Variants in PCCA observed in about 807,000 individuals in gnomAD.
PCCA encodes propionyl-CoA carboxylase alpha chain, mitochondrial.
PCCA carries 74 observed loss-of-function variants against 101.3 expected under a neutral mutation model. The ratio of observed to expected loss-of-function variants is 0.73; its 90% CI spans 0.61 to 0.89. PCCA has a LOEUF of 0.89. Among genes scored for constraint, PCCA ranks in the 40% least tolerant of loss-of-function variants. The probability of loss-of-function intolerance (pLI) is 0.00; values close to 1 mark genes in which losing one functional copy is unlikely to be tolerated. For missense variants in PCCA, 891 were observed against 907.0 expected, an observed-to-expected ratio of 0.98 and a Z score of 0.23; for synonymous variants, 294 against 313.6, an observed-to-expected ratio of 0.94 and a Z score of 0.66.
At chr13:100,431,665 G>A (rs2079556743) in intron 20 of PCCA, among the ~76,000 whole-genome samples, 1 of 151,880 alleles carries the variant, frequency 6.6e-6, no homozygotes, top group African/African-American at 2.4e-5. Flanking sequence ...AGGAGATCGA[G>A]ACCATCCTGG....
At position 100,151,072 on chromosome 13, in the gene PCCA, C is replaced by T. The variant is rs2053254974; in HGVS notation, c.301-3907C>T. The T allele has an allele frequency of 1.9e-6, 3 of 1,544,900 alleles. No homozygotes were observed. The Admixed American group carries it at 5.0e-5, about 26-fold the overall frequency. On this transcript the variant is annotated intron_variant, in intron 4 of 23. Transcript: ENST00000376285. ...CAGACTGCTGCTTTCTCCGTAGCTC[C>T]TGGATGTACTCGTATGCACCCATCT...
intron 4 of PCCA, among the ~76,000 whole-genome samples, chr13:100,148,266 C>G (rs2052829320): frequency 6.6e-6 from 1 of 151,964 alleles, no homozygotes; most frequent in Non-Finnish European, 1.5e-5. Flanking sequence ...GTGTTTTTAC[C>G]TAGTTATTTT....
chr13:100,226,959 A>G (rs2060179989), intron 7 of PCCA, among the ~76,000 whole-genome samples: 1 of 152,230 alleles, frequency 6.6e-6, no homozygotes, highest in South Asian at 2.1e-4. Context: ...ACTCAGTCAC[A>G]GTCACAGAAG....
chr13:100,406,239 G>A (rs1410419383), intron 19 of PCCA, among the ~76,000 whole-genome samples: 1 of 152,118 alleles, frequency 6.6e-6, no homozygotes, highest in Non-Finnish European at 1.5e-5. Context: ...GTGTCCTGTT[G>A]CAAAAGAAAA....
intron 21 of PCCA, among the ~76,000 whole-genome samples, chr13:100,454,651 A>G (rs1595971623): frequency 6.6e-6 from 1 of 152,234 alleles, no homozygotes; most frequent in Non-Finnish European, 1.5e-5. Context: ...AATTTTCTAT[A>G]TAAGTTTGTT....
chr13:100,485,869 C>G (rs1263692892), intron 21 of PCCA, among the ~76,000 whole-genome samples: 1 of 152,206 alleles, frequency 6.6e-6, no homozygotes, highest in Admixed American at 6.5e-5. Context: ...TAAGCTGGTA[C>G]TAGGAATGAG....
At chr13:100,115,124 A>G (rs1278991142) in intron 4 of PCCA, among the ~76,000 whole-genome samples, 1 of 152,224 alleles carries the variant, frequency 6.6e-6, no homozygotes, top group Non-Finnish European at 1.5e-5. Flanking sequence ...TTGCAATAGC[A>G]TGGATGGAAC....
chr13:100,240,485 A>G (rs947947085), intron 8 of PCCA, among the ~76,000 whole-genome samples: 9 of 151,980 alleles, frequency 5.9e-5, no homozygotes, highest in Middle Eastern at 3.2e-3. Flanking sequence ...TAGCCTAAGT[A>G]TCATGTCTTC....
chr13:100,413,638 T>A (rs1191474522), intron 19 of PCCA, among the ~76,000 whole-genome samples: 1 of 152,180 alleles, frequency 6.6e-6, no homozygotes, highest in Non-Finnish European at 1.5e-5. Context: ...GGTGCTGTTC[T>A]AAGGGCTTGA....
chr13:100,332,541 T>G (rs984128432), intron 17 of PCCA, among the ~76,000 whole-genome samples: 2 of 152,176 alleles, frequency 1.3e-5, no homozygotes, highest in Admixed American at 6.5e-5. Context: ...CACATTTATA[T>G]ATAAGTTTGT....
rs747316361 is a variant in PCCA at position 100,307,299 on chromosome 13, A to G, written c.1353+39A>G. The G allele has an allele frequency of 5.3e-6, 7 of 1,327,922 alleles. No individual in the cohort carries two copies. In the African/African-American group the frequency reaches 1.0e-4, roughly 19 times the overall value. 82.3% of individuals were successfully genotyped at this position (1,327,922 alleles called of 1,614,324 possible). ...CTCAATGGATTATTTGATTTCTTCG[A>G]AAAATCAATGATATTTAAAGAGTCT... On this transcript the variant is annotated intron_variant, in intron 15 of 23. Coordinates refer to ENST00000376285, the MANE Select transcript of PCCA (RefSeq NM_000282.4).
chr13:100,444,042 C>T (rs1229032311), intron 20 of PCCA, among the ~76,000 whole-genome samples: 1 of 152,046 alleles, frequency 6.6e-6, no homozygotes, highest in Non-Finnish European at 1.5e-5. Context: ...CAAGATCTGA[C>T]CTGGGTTTAT....
At chr13:100,292,256 G>C (rs948274993) in intron 12 of PCCA, among the ~76,000 whole-genome samples, 14 of 152,188 alleles carry the variant, frequency 9.2e-5, no homozygotes, top group African/African-American at 3.4e-4. Context: ...GCTGACTAAT[G>C]GAGGACTCAT....
At chr13:100,425,393 C>T (rs543949189) in intron 19 of PCCA, among the ~76,000 whole-genome samples, 9 of 152,300 alleles carry the variant, frequency 5.9e-5, no homozygotes, top group East Asian at 1.9e-4. Context: ...TTGTTACTTA[C>T]GGAAATCACT....
chr13:100,209,290 G>A (rs202120705), intron 6 of PCCA, 42 bp from the exon 7 acceptor site: 186 of 1,588,734 alleles, frequency 1.2e-4, no homozygotes, highest in Middle Eastern at 6.7e-4. Flanking sequence ...ATCATGCTCC[G>A]TAATGTTCTT....
chr13:100,346,354 T>A (rs2072219770), intron 18 of PCCA, among the ~76,000 whole-genome samples: 1 of 152,164 alleles, frequency 6.6e-6, no homozygotes, highest in Non-Finnish European at 1.5e-5. Flanking sequence ...GTTCAAGATG[T>A]CATTGAAGGA....
intron 22 of PCCA, among the ~76,000 whole-genome samples, chr13:100,522,120 T>G (rs1053300048): frequency 6.6e-6 from 1 of 152,224 alleles, no homozygotes; most frequent in African/African-American, 2.4e-5. Context: ...CGGAAGTGCT[T>G]CATGCCCTGC....
chr13:100,511,838 G>A (rs2086506314), intron 21 of PCCA, among the ~76,000 whole-genome samples: 1 of 152,198 alleles, frequency 6.6e-6, no homozygotes, highest in Non-Finnish European at 1.5e-5. Flanking sequence ...TACTTCTACA[G>A]GCTGTGGAAA....
At chr13:100,371,657 C>T (rs1429302756) in intron 19 of PCCA, among the ~76,000 whole-genome samples, 1 of 152,284 alleles carries the variant, frequency 6.6e-6, no homozygotes, top group East Asian at 1.9e-4. Context: ...TCAGAACCCC[C>T]AAATACATTT....
Sources: gnomAD v4.1 joint callset for allele counts (sites outside exome capture counted in the v4.1 genomes callset) on GRCh38, gnomAD v4.1.1 for gene constraint, MANE v1.5 for transcripts, NCBI Gene and HGNC (gene_info 2026-07-23, HGNC 2026-07-21) for gene names.